The following FCER2 variants were observed in gnomAD, a reference collection of about 807,000 sequenced individuals.
FCER2 encodes Fc epsilon receptor II, also known as low affinity immunoglobulin epsilon Fc receptor.
Under a neutral mutation model 49.7 loss-of-function variants are expected in FCER2, and 38 were observed. The observed-to-expected ratio is 0.76, with a 90% confidence interval of 0.59 to 1.00. The LOEUF (loss-of-function observed/expected upper bound fraction) is 1.00, where lower values mean the gene tolerates loss of function less well. Ranked by LOEUF, FCER2 falls within the 50% of genes least tolerant of loss-of-function variation. The pLI, the probability that FCER2 is intolerant of heterozygous loss-of-function variation, is 0.00. For synonymous variants in FCER2, 163 were observed against 164.6 expected (o/e 0.99, Z 0.07); for missense variants, 425 against 419.5 (o/e 1.01, Z -0.11).
chr19:7,699,846 C>T lies in FCER2; in HGVS notation c.-85-1G>A. On this transcript the variant is annotated splice_acceptor_variant, in intron 1 of 10. Transcript: ENST00000597921. LOFTEE classifies it low-confidence loss of function (5UTR_SPLICE). Reference sequence around the variant, plus strand: ...TCAGCGGGCACAATCACAGCTCTGGCTGATTTGGGATTTAATGATGGTTAG... The same window carrying T: ...TCAGCGGGCACAATCACAGCTCTGGTTGATTTGGGATTTAATGATGGTTAG... 4 of 1,320,200 alleles carry T rather than the reference C, an allele frequency of 3.0e-6. No homozygotes were observed. The highest frequency in any genetic ancestry group is 4.4e-6 in the Non-Finnish European group (4 of 917,488). 81.8% of individuals were successfully genotyped at this position (1,320,200 alleles called of 1,614,324 possible).
intron 2 of FCER2, chr19:7,699,308 C>T: frequency 2.0e-6 from 2 of 975,992 alleles, no homozygotes; most frequent in Non-Finnish European, 2.9e-6. Flanking sequence ...GACCTCCAAA[C>T]CTCTCCCAGA....
chr19:7,695,957 C>T (rs11260018), intron 8 of FCER2, among the ~76,000 whole-genome samples: 24,844 of 138,186 alleles, frequency 0.18, 2,774 homozygotes, highest in Middle Eastern at 0.3. Flanking sequence ...GACAGAGTCT[C>T]GCTCTGTTGC....
chr19:7,698,937 C>T lies in FCER2; in HGVS notation c.23-83G>A, dbSNP rs2033091989. The T allele has an allele frequency of 4.0e-5, 58 of 1,449,764 alleles. 1 individual carries two copies. In the South Asian group the frequency reaches 6.9e-4, roughly 17 times the overall value. The allele number at this position is 1,449,764 out of a possible 1,614,324, so 89.8% of individuals were successfully genotyped here. A position where few individuals can be genotyped will look rare whatever the true frequency, so the allele number is the denominator to read the frequency against. Reference sequence around the variant, plus strand: ...TCCGTCTCTCCATTACCCAGAGCCCCCGACAGCCTGGGAGCTTGTCCAGAG... The same window carrying T: ...TCCGTCTCTCCATTACCCAGAGCCCTCGACAGCCTGGGAGCTTGTCCAGAG... On this transcript the variant is annotated intron_variant, in intron 2 of 10. Coordinates refer to ENST00000597921, the MANE Select transcript of FCER2 (RefSeq NM_001220500.2).
chr19:7,695,247 A>G (rs1007647269), intron 8 of FCER2, among the ~76,000 whole-genome samples: 33 of 152,024 alleles, frequency 2.2e-4, no homozygotes, highest in African/African-American at 6.8e-4. Context: ...AGAGGCCACC[A>G]TCTCCATTGT....
In FCER2 at chr19:7,698,758, G is replaced by C; in HGVS notation, c.119C>G (p.Thr40Ser). 1.2e-6 allele frequency: 2 copies of C among 1,613,066 alleles called. No individual in the cohort carries two copies. Among genetic ancestry groups the C allele is most frequent in the Non-Finnish European group, 1.7e-6 (2 of 1,179,644 alleles). ...GTCCTCACGCCACAGGAGAAGCAGAGTCAGCAGCCCAGCCCACAGAGCGGC... is the reference window on the plus strand; with the variant it reads ...GTCCTCACGCCACAGGAGAAGCAGACTCAGCAGCCCAGCCCACAGAGCGGC... ...VTAALWAGLLTLLLLWHWDTT... is the reference protein window; with the variant it reads ...VTAALWAGLLSLLLLWHWDTT... The change falls in exon 3 of 11, where the codon ACT becomes AGT. Residue 40 changes from threonine (T) to serine (S), a missense_variant. By Grantham distance (58) the Thr-to-Ser change is moderately conservative. Transcript: ENST00000597921.
In FCER2 at chr19:7,700,289, A is replaced by G. The variant is rs138712834; in HGVS notation, c.-85-444T>C. ...TTCCCCTCTGTAAAATGGGCTGATG[A>G]CAGCACCCAACTCATGAGGCCAAGA... On this transcript the variant is annotated intron_variant, in intron 1 of 10. Coordinates refer to ENST00000597921, the MANE Select transcript of FCER2 (RefSeq NM_001220500.2). Among the ~76,000 whole-genome samples, 1,446 of 152,238 alleles carry G rather than the reference A, an allele frequency of 9.5e-3. 18 individuals carry two copies. The highest frequency in any genetic ancestry group is 0.033 in the African/African-American group (1,380 of 41,526).
At chr19:7,699,474 G>T in intron 2 of FCER2, 1 of 1,388,510 alleles carries the variant, frequency 7.2e-7, no homozygotes, top group Non-Finnish European at 9.3e-7. Context: ...CCTAGCTGAA[G>T]CCGTTTTTTT....
intron 1 of FCER2, among the ~76,000 whole-genome samples, chr19:7,701,026 T>C (rs1426897001): frequency 6.6e-6 from 1 of 150,384 alleles, no homozygotes; most frequent in Non-Finnish European, 1.5e-5. Context: ...ATCAGGCTGG[T>C]CTCGAACTCC....
intron 2 of FCER2, 115 bp from the exon 3 acceptor site, chr19:7,698,969 CTG>C: frequency 8.8e-7 from 1 of 1,137,248 alleles, no homozygotes; most frequent in Non-Finnish European, 1.3e-6. Flanking sequence ...AGAGCCCACA[CTG>C]AAGCAAAGGG....
rs112871344 is a variant in FCER2, at chr19:7,699,991, G to C, written c.-85-146C>G. Reference sequence around the variant, plus strand: ...TGGACTCACTAGCGTGGTTAGCAGGGAGACACAGCTGGTGTGGAGAGATAG... The same window carrying C: ...TGGACTCACTAGCGTGGTTAGCAGGCAGACACAGCTGGTGTGGAGAGATAG... On this transcript the variant is annotated intron_variant, in intron 1 of 10. Coordinates refer to ENST00000597921, the MANE Select transcript of FCER2 (RefSeq NM_001220500.2). 4,159 of 593,394 alleles carry C rather than the reference G, an allele frequency of 7.0e-3. 141 individuals carry two copies. Among genetic ancestry groups the C allele is most frequent in the African/African-American group, 0.067 (3,630 of 53,808 alleles). The allele number at this position is 593,394 out of a possible 1,614,324, so 36.8% of individuals were successfully genotyped here. A position where few individuals can be genotyped will look rare whatever the true frequency, so the allele number is the denominator to read the frequency against.
At chr19:7,690,344 T>A (rs1488236239) in intron 9 of FCER2, 62 bp downstream of exon 9, 1 of 1,597,822 alleles carries the variant, frequency 6.3e-7, no homozygotes, top group Non-Finnish European at 8.5e-7. Context: ...TTGGGTAGAG[T>A]GGGGTGGGGG....
chr19:7,697,198 C>A, intron 6 of FCER2, 38 bp downstream of exon 6: 1 of 1,611,998 alleles, frequency 6.2e-7, no homozygotes, highest in Non-Finnish European at 8.5e-7. Flanking sequence ...CTCCTTCCCA[C>A]CCAATCTGGC....
At chr19:7,699,167 G>A (rs1291530841) in intron 2 of FCER2, among the ~76,000 whole-genome samples, 9 of 151,644 alleles carry the variant, frequency 5.9e-5, no homozygotes, top group South Asian at 2.1e-4. Flanking sequence ...GAGCCCCAAC[G>A]CCCACCCTTA....
In FCER2 at chr19:7,698,830, C is replaced by A; in HGVS notation, c.47G>T (p.Arg16Leu). ...YSEIEELPRR[R>L]CCRRGTQIVL... ...GATCTGAGTCCCACGCCTGCAACAC[C>A]GCCTCCTGGGAAGCTCCTCGATCTC... Residue 16 changes from arginine (R) to leucine (L), a missense_variant, in exon 3 of 11, where the codon CGG becomes CTG. Transcript: ENST00000597921. The A allele has an allele frequency of 6.2e-7, 1 of 1,607,848 alleles. No homozygotes were observed. The highest frequency in any genetic ancestry group is 1.7e-5 in the Admixed American group (1 of 58,984).
At chr19:7,697,981 G>A (rs1396408312) in intron 4 of FCER2, among the ~76,000 whole-genome samples, 1 of 152,160 alleles carries the variant, frequency 6.6e-6, no homozygotes. Context: ...ACAATAGCTC[G>A]AGTTACAATG....
chr19:7,689,046 G>T lies in FCER2; in HGVS notation c.*147C>A, dbSNP rs2032779313. The T allele has an allele frequency of 1.6e-6, 1 of 628,070 alleles. No homozygotes were observed. Among genetic ancestry groups the T allele is most frequent in the African/African-American group, 1.8e-5 (1 of 54,544 alleles). The allele number at this position is 628,070 out of a possible 1,614,324, so 38.9% of individuals were successfully genotyped here. ...GCTGTTGGGGTGTACTCCTGGGAAG[G>T]CAGGGGCCATAGAGGAGCGGGAGAT... On this transcript the variant is annotated 3_prime_UTR_variant, in exon 11 of 11. Coordinates refer to ENST00000597921, the MANE Select transcript of FCER2 (RefSeq NM_001220500.2).
chr19:7,689,156 C>A lies in FCER2; in HGVS notation c.*37G>T, dbSNP rs771726480. ...AGGCTTTTAGGCCGTGGTTGGGGGT[C>A]TTCAGGGTCTTGCTCTGGGCCTGGC... On this transcript the variant is annotated 3_prime_UTR_variant, in exon 11 of 11. Coordinates refer to ENST00000597921, the MANE Select transcript of FCER2 (RefSeq NM_001220500.2). 9 of 1,454,592 alleles carry A rather than the reference C, an allele frequency of 6.2e-6. No individual in the cohort carries two copies. In the Admixed American group the frequency reaches 1.0e-4, roughly 17 times the overall value. The allele number at this position is 1,454,592 out of a possible 1,614,324, so 90.1% of individuals were successfully genotyped here. A position where few individuals can be genotyped will look rare whatever the true frequency, so the allele number is the denominator to read the frequency against.
chr19:7,694,343 T>G (rs1444755144), intron 8 of FCER2, among the ~76,000 whole-genome samples: 3 of 152,108 alleles, frequency 2.0e-5, no homozygotes, highest in African/African-American at 7.2e-5. Context: ...CCAGCCTTGG[T>G]GACAGAACCA....
chr19:7,696,329 G>A (rs568317788), intron 8 of FCER2, among the ~76,000 whole-genome samples: 1 of 152,182 alleles, frequency 6.6e-6, no homozygotes, highest in South Asian at 2.1e-4. Context: ...TCGAACTCCT[G>A]ACCTCACATA....
Sources: allele counts gnomAD v4.1 joint callset (sites outside exome capture counted in the v4.1 genomes callset), GRCh38; gene constraint gnomAD v4.1.1; transcripts MANE v1.5; gene names NCBI Gene and HGNC (gene_info 2026-07-23, HGNC 2026-07-21).